GSG1L: variants seen among roughly 807,000 people sequenced by gnomAD.
GSG1L encodes GSG1 like.
GSG1L carries 24 observed loss-of-function variants against 42.1 expected under a neutral mutation model. That is an observed-to-expected ratio of 0.57 (90% CI 0.41 to 0.80). The LOEUF (loss-of-function observed/expected upper bound fraction) is 0.80, where lower values mean the gene tolerates loss of function less well. GSG1L is among the 30% of genes least tolerant of loss of function. The pLI is 0.00. For synonymous variants in GSG1L, 215 were observed against 203.5 expected, an observed-to-expected ratio of 1.06 and a Z score of -0.48; for missense variants, 445 against 472.2, an observed-to-expected ratio of 0.94 and a Z score of 0.53.
chr16:27,807,804 C>T (rs1286498611), intron 5 of GSG1L, among the ~76,000 whole-genome samples: 1 of 152,108 alleles, frequency 6.6e-6, no homozygotes, highest in Non-Finnish European at 1.5e-5. Context: ...TGCAACTAAT[C>T]AGTTAGAGGC....
intron 1 of GSG1L, among the ~76,000 whole-genome samples, chr16:27,991,385 T>C (rs1031452573): frequency 6.6e-6 from 1 of 152,070 alleles, no homozygotes; most frequent in Non-Finnish European, 1.5e-5. Flanking sequence ...TTGTAGTATT[T>C]GTGTGCATTA....
intron 2 of GSG1L, among the ~76,000 whole-genome samples, chr16:27,921,684 C>G (rs761522373): frequency 2.0e-5 from 3 of 152,190 alleles, no homozygotes; most frequent in African/African-American, 7.2e-5. Context: ...GCTTCCTGCT[C>G]AGTTAGGGGA....
intron 1 of GSG1L, among the ~76,000 whole-genome samples, chr16:27,991,576 T>G (rs2085456666): frequency 6.6e-6 from 1 of 152,048 alleles, no homozygotes; most frequent in Admixed American, 6.6e-5. Flanking sequence ...GGCTAACTTT[T>G]GTATTTTTAG....
chr16:27,859,053 G>T (rs2083612369), intron 3 of GSG1L, among the ~76,000 whole-genome samples: 1 of 152,170 alleles, frequency 6.6e-6, no homozygotes, highest in Non-Finnish European at 1.5e-5. Flanking sequence ...GGGAAAGAGT[G>T]AGGAGGTTAA....
chr16:28,007,800 G>A (rs2085662767), intron 1 of GSG1L, among the ~76,000 whole-genome samples: 1 of 152,216 alleles, frequency 6.6e-6, no homozygotes, highest in South Asian at 2.1e-4. Flanking sequence ...ACAGGCTTGA[G>A]CCACCATGCC....
At position 27,855,115 on chromosome 16, in the gene GSG1L, C is replaced by G. The variant is rs79103542; in HGVS notation, c.551-10054G>C. On this transcript the variant is annotated intron_variant, in intron 3 of 6. Transcript: ENST00000447459. ...GACAACAGACATCCAGGGTGCTCGA[C>G]CGTGATGGTGGAATTGATGAATGAG... Among the ~76,000 whole-genome samples the G allele has an allele frequency of 7.3e-3, 1,104 of 152,202 alleles. 19 individuals carry two copies. Among genetic ancestry groups the G allele is most frequent in the African/African-American group, 0.025 (1,052 of 41,530 alleles).
At chr16:27,951,652 A>G (rs1236954404) in intron 2 of GSG1L, among the ~76,000 whole-genome samples, 2 of 152,176 alleles carry the variant, frequency 1.3e-5, no homozygotes, top group Admixed American at 6.5e-5. Context: ...TGCAGCCAGT[A>G]GGTTGACCTG....
At chr16:28,051,330 G>C (rs929983974) in intron 1 of GSG1L, among the ~76,000 whole-genome samples, 26 of 152,174 alleles carry the variant, frequency 1.7e-4, no homozygotes, top group Admixed American at 8.5e-4. Context: ...TGCCAGTTCT[G>C]CCGGTGACTA....
At chr16:27,958,386 CAA>C (rs1288773038) in intron 2 of GSG1L, among the ~76,000 whole-genome samples, 2 of 117,224 alleles carry the variant, frequency 1.7e-5, no homozygotes, top group Non-Finnish European at 3.4e-5. Context: ...GCCTGGGCAA[CAA>C]GAGACAAGAG....
chr16:27,950,217 G>A (rs1212856795), intron 2 of GSG1L, among the ~76,000 whole-genome samples: 2 of 152,100 alleles, frequency 1.3e-5, no homozygotes, highest in Admixed American at 6.6e-5. Flanking sequence ...TTAAATTACT[G>A]CTGTTTACCC....
At chr16:27,873,113 A>G (rs995061760) in intron 3 of GSG1L, among the ~76,000 whole-genome samples, 3 of 152,226 alleles carry the variant, frequency 2.0e-5, no homozygotes, top group Non-Finnish European at 4.4e-5. Flanking sequence ...ATAGCGCTGG[A>G]CAGAGGTCAT....
chr16:27,918,304 T>C (rs1425902660), intron 2 of GSG1L, among the ~76,000 whole-genome samples: 1 of 152,024 alleles, frequency 6.6e-6, no homozygotes, highest in Non-Finnish European at 1.5e-5. Context: ...AACCAGAGTA[T>C]GGTTACCAGA....
At chr16:27,882,778 G>T (rs2083975625) in intron 3 of GSG1L, among the ~76,000 whole-genome samples, 1 of 152,082 alleles carries the variant, frequency 6.6e-6, no homozygotes, top group African/African-American at 2.4e-5. Context: ...AACACACCAA[G>T]TTAGAATTGT....
At chr16:27,793,266 G>C (rs2082775550) in intron 6 of GSG1L, among the ~76,000 whole-genome samples, 1 of 152,114 alleles carries the variant, frequency 6.6e-6, no homozygotes, top group Admixed American at 6.5e-5. Context: ...TAGCTGGGGT[G>C]GGGGGTAATA....
At chr16:27,864,809 C>T (rs767942861) in intron 3 of GSG1L, among the ~76,000 whole-genome samples, 13 of 152,324 alleles carry the variant, frequency 8.5e-5, no homozygotes, top group Admixed American at 8.5e-4. Context: ...CTCTCCAGGT[C>T]TTGGGCCCTC....
At chr16:27,972,851 A>G (rs2085208500) in intron 1 of GSG1L, among the ~76,000 whole-genome samples, 1 of 152,260 alleles carries the variant, frequency 6.6e-6, no homozygotes, top group South Asian at 2.1e-4. Flanking sequence ...ATCACAGCCT[A>G]TTAAAAATAT....
intron 3 of GSG1L, among the ~76,000 whole-genome samples, chr16:27,849,202 AG>A (rs533720037): frequency 0.07 from 3,405 of 48,702 alleles, 115 homozygotes; most frequent in African/African-American, 0.23. Flanking sequence ...TATCCCAAAA[AG>A]AAAAAAAAAA....
rs2084387512 is a variant in GSG1L, at chr16:27,911,288, TCTCTC to T, written c.398-26655_398-26651del. Among the ~76,000 whole-genome samples the T allele has an allele frequency of 4.0e-5, 6 of 149,918 alleles. 1 individual carries two copies. Among genetic ancestry groups the T allele is most frequent in the African/African-American group, 1.5e-4 (6 of 40,070 alleles). ...CTCGCTCTCTCTCTCTCTCTCTCTC[TCTCTC>T]TCCTCTCTCTCTTTTGAGACAGGGT... is the stretch of plus-strand genomic sequence containing the variant. On this transcript the variant is annotated intron_variant, in intron 2 of 6. Transcript: ENST00000447459.
At chr16:27,804,187 A>G (rs987833562) in intron 6 of GSG1L, among the ~76,000 whole-genome samples, 1 of 152,000 alleles carries the variant, frequency 6.6e-6, no homozygotes, top group African/African-American at 2.4e-5. Flanking sequence ...CTTCCCCTCC[A>G]CTGCATAGCG....
Sources: gnomAD v4.1 joint callset for allele counts (sites outside exome capture counted in the v4.1 genomes callset) on GRCh38, gnomAD v4.1.1 for gene constraint, MANE v1.5 for transcripts, NCBI Gene and HGNC (gene_info 2026-07-23, HGNC 2026-07-21) for gene names.